STXBP5: variants seen among roughly 807,000 people sequenced by gnomAD.
STXBP5 encodes syntaxin binding protein 5, also known as syntaxin-binding protein 5.
A neutral mutation model predicts 152.4 loss-of-function variants in STXBP5; 50 were observed. The observed-to-expected ratio is 0.33, with a 90% CI of 0.26 to 0.42. The LOEUF is 0.42. Ranked by LOEUF, STXBP5 falls within the 10% of genes least tolerant of loss-of-function variation. The probability of loss-of-function intolerance (pLI) is 1.00; values close to 1 mark genes in which losing one functional copy is unlikely to be tolerated. For synonymous variants in STXBP5, 492 were observed against 494.7 expected (o/e 0.99, Z 0.07); for missense variants, 1,167 against 1,388.6 (o/e 0.84, Z 2.54).
chr6:147,304,002 C>T (rs1239234463), intron 9 of STXBP5, among the ~76,000 whole-genome samples: 1 of 152,132 alleles, frequency 6.6e-6, no homozygotes, highest in Admixed American at 6.5e-5. Context: ...GGAAACTTTG[C>T]AGCCTGATGA....
At chr6:147,225,725 G>A (rs1360474631) in intron 2 of STXBP5, among the ~76,000 whole-genome samples, 1 of 152,124 alleles carries the variant, frequency 6.6e-6, no homozygotes, top group African/African-American at 2.4e-5. Context: ...CACTGACTGC[G>A]GGCCCATGGC....
chr6:147,358,437 G>A (rs528543506), intron 22 of STXBP5, among the ~76,000 whole-genome samples: 13 of 152,256 alleles, frequency 8.5e-5, no homozygotes, highest in African/African-American at 2.6e-4. Flanking sequence ...GGAGGCACCC[G>A]GTTCAGTTCT....
At chr6:147,332,996 A>G (rs1053998925) in intron 18 of STXBP5, among the ~76,000 whole-genome samples, 3 of 152,178 alleles carry the variant, frequency 2.0e-5, no homozygotes, top group Non-Finnish European at 4.4e-5. Flanking sequence ...CCAAGGGGGT[A>G]AAATTTCAAA....
chr6:147,387,803 T>G lies in STXBP5; in HGVS notation c.*3048T>G, dbSNP rs1194581054. On this transcript the variant is annotated 3_prime_UTR_variant, in exon 28 of 28. Transcript: ENST00000321680. ...ACGAAGCAATTTTTTTTTTTTTGGC[T>G]TAGAACTTCTTAATTGTAGGTTCCT... 1 of 151,654 alleles carries G rather than the reference T, an allele frequency of 6.6e-6. No homozygotes were observed. The highest frequency in any genetic ancestry group is 1.5e-5 in the Non-Finnish European group (1 of 67,710). 9.4% of individuals were successfully genotyped at this position (151,654 alleles called of 1,614,324 possible).
rs762914211 is a variant in STXBP5 at position 147,353,283 on chromosome 6, A to C, written c.2255-40A>C. On this transcript the variant is annotated intron_variant, in intron 21 of 27. Transcript: ENST00000321680. ...AATCAGTTGATATTAGTATGAATCAAATATTCTTCAGAATTTTAAAAATGT... is the reference window on the plus strand; with the variant it reads ...AATCAGTTGATATTAGTATGAATCACATATTCTTCAGAATTTTAAAAATGT... The C allele has an allele frequency of 2.2e-6, 3 of 1,384,624 alleles. No individual in the cohort carries two copies. The African/African-American group carries it at 4.4e-5, about 20-fold the overall frequency. 85.8% of individuals were successfully genotyped at this position (1,384,624 alleles called of 1,614,324 possible).
At chr6:147,380,645 G>A (rs142496955) in intron 26 of STXBP5, among the ~76,000 whole-genome samples, 3,107 of 145,468 alleles carry the variant, frequency 0.021, 111 homozygotes, top group African/African-American at 0.074. Context: ...GCAACCAAAG[G>A]AAAAAAAAAA....
At position 147,262,441 on chromosome 6, in the gene STXBP5, C is replaced by A. The variant is rs1023529839; in HGVS notation, c.630+88C>A. 2.4e-5 allele frequency: 18 copies of A among 744,586 alleles called. No homozygotes were observed. In the African/African-American group the frequency reaches 2.7e-4, roughly 11 times the overall value. 46.1% of individuals were successfully genotyped at this position (744,586 alleles called of 1,614,324 possible). A position where few individuals can be genotyped will look rare whatever the true frequency, so the allele number is the denominator to read the frequency against. ...TGCTATTTCAGGATCACACTTATTACAAATTGAGATTACCATTGAAGGTTG... is the reference window on the plus strand; with the variant it reads ...TGCTATTTCAGGATCACACTTATTAAAAATTGAGATTACCATTGAAGGTTG... On this transcript the variant is annotated intron_variant, in intron 6 of 27. Transcript: ENST00000321680.
intron 9 of STXBP5, among the ~76,000 whole-genome samples, chr6:147,303,238 G>T (rs574670431): frequency 3.3e-5 from 5 of 152,206 alleles, no homozygotes; most frequent in African/African-American, 1.2e-4. Context: ...AAGTGGGAGG[G>T]ATTTGGTGGG....
chr6:147,307,630 T>A (rs1159025075), intron 9 of STXBP5, among the ~76,000 whole-genome samples: 1 of 152,148 alleles, frequency 6.6e-6, no homozygotes, highest in African/African-American at 2.4e-5. Flanking sequence ...CTGTGAAGGC[T>A]CACGGGTTGG....
chr6:147,310,129 A>G lies in STXBP5; in HGVS notation c.963A>G (p.Val321=), dbSNP rs758052008. The G allele has an allele frequency of 3.9e-5, 62 of 1,599,266 alleles. No homozygotes were observed. The highest frequency in any genetic ancestry group is 5.2e-5 in the Non-Finnish European group (61 of 1,175,634). Residue 321 remains valine (V), a synonymous_variant, in exon 10 of 28, where the codon GTA becomes GTG. Coordinates refer to ENST00000321680, the MANE Select transcript of STXBP5 (RefSeq NM_001127715.4). ...CAGGAGGTTTGTCATATGATACTGTAGGAAGAAGACCTTGCTTAACAGTGA... is the reference window on the plus strand; with the variant it reads ...CAGGAGGTTTGTCATATGATACTGTGGGAAGAAGACCTTGCTTAACAGTGA... ...ILSGGLSYDT[V]GRRPCLTVMH...
At chr6:147,229,703 T>C (rs1294467451) in intron 2 of STXBP5, among the ~76,000 whole-genome samples, 1 of 152,026 alleles carries the variant, frequency 6.6e-6, no homozygotes, top group Non-Finnish European at 1.5e-5. Context: ...TTTATGTATA[T>C]TGGTCTTGTA....
intron 2 of STXBP5, among the ~76,000 whole-genome samples, chr6:147,206,871 GTTTTC>G (rs896988568): frequency 7.3e-5 from 11 of 151,704 alleles, no homozygotes; most frequent in Non-Finnish European, 2.9e-5. Flanking sequence ...GTTGAAATGT[GTTTTC>G]TTTTACTGTG....
intron 7 of STXBP5, among the ~76,000 whole-genome samples, chr6:147,267,450 T>C (rs1779949052): frequency 6.6e-6 from 1 of 152,158 alleles, no homozygotes; most frequent in South Asian, 2.1e-4. Flanking sequence ...TTCATAAATA[T>C]ATCTTATTTT....
intron 25 of STXBP5, among the ~76,000 whole-genome samples, chr6:147,365,021 TA>T (rs1487799624): frequency 3.9e-5 from 6 of 152,182 alleles, no homozygotes; most frequent in Non-Finnish European, 8.8e-5. Flanking sequence ...AAAATTAGCA[TA>T]GAAGTGGTAT....
intron 9 of STXBP5, among the ~76,000 whole-genome samples, chr6:147,305,081 T>C (rs1042148886): frequency 1.3e-5 from 2 of 152,162 alleles, no homozygotes; most frequent in African/African-American, 4.8e-5. Flanking sequence ...GCTAGGCTAG[T>C]GTTGCTCAAA....
At chr6:147,295,452 C>A (rs756965340) in intron 9 of STXBP5, among the ~76,000 whole-genome samples, 5 of 152,152 alleles carry the variant, frequency 3.3e-5, no homozygotes, top group Admixed American at 1.3e-4. Context: ...CCATCCCCCC[C>A]ACACACGCAC....
At chr6:147,225,468 T>G (rs959660112) in intron 2 of STXBP5, among the ~76,000 whole-genome samples, 3 of 152,236 alleles carry the variant, frequency 2.0e-5, no homozygotes, top group Middle Eastern at 3.2e-3. Flanking sequence ...CTGTAGAGAT[T>G]AGAATAATAT....
At position 147,244,482 on chromosome 6, in the gene STXBP5, G is replaced by C. The variant is rs542647849; in HGVS notation, c.431+5212G>C. Among the ~76,000 whole-genome samples the C allele has an allele frequency of 2.0e-5, 3 of 152,294 alleles. No individual in the cohort carries two copies. In the East Asian group the frequency reaches 5.8e-4, roughly 29 times the overall value. ...TTTGGCTTTTTGAAAGAGGACTATT[G>C]ACTGTAGCATTTACTTATTTTGTAC... is the stretch of plus-strand genomic sequence containing the variant. On this transcript the variant is annotated intron_variant, in intron 4 of 27. Coordinates refer to ENST00000321680, the MANE Select transcript of STXBP5 (RefSeq NM_001127715.4).
At chr6:147,242,219 A>T (rs1159202554) in intron 4 of STXBP5, among the ~76,000 whole-genome samples, 1 of 151,990 alleles carries the variant, frequency 6.6e-6, no homozygotes, top group Non-Finnish European at 1.5e-5. Flanking sequence ...TAAATTAAAC[A>T]TATAAAAAAG....
Sources: gnomAD v4.1 joint callset for allele counts (sites outside exome capture counted in the v4.1 genomes callset) on GRCh38, gnomAD v4.1.1 for gene constraint, MANE v1.5 for transcripts, NCBI Gene and HGNC (gene_info 2026-07-23, HGNC 2026-07-21) for gene names.